Variants in NIPAL3 observed in about 807,000 individuals in gnomAD.
NIPAL3 encodes the protein NIPA-like protein 3.
NIPAL3 carries 41 observed loss-of-function variants against 47.2 expected under a neutral mutation model. The ratio of observed to expected loss-of-function variants is 0.87; its 90% confidence interval spans 0.68 to 1.13. NIPAL3 has a LOEUF of 1.13. NIPAL3 is among the 50% of genes most tolerant of loss of function. The probability of loss-of-function intolerance (pLI) is 0.00; values close to 1 mark genes in which losing one functional copy is unlikely to be tolerated. For synonymous variants in NIPAL3, 194 were observed against 209.6 expected (o/e 0.93, Z 0.64); for missense variants, 449 against 530.1 (o/e 0.85, Z 1.50).
At chr1:24,456,037 C>G (rs1646183162) in intron 7 of NIPAL3, 101 bp from the exon 8 acceptor site, 1 of 1,416,856 alleles carries the variant, frequency 7.1e-7, no homozygotes, top group Non-Finnish European at 9.8e-7. Context: ...GTTCCCTCCC[C>G]TCTGTCTCCC....
chr1:24,421,399 C>A (rs976275510), intron 2 of NIPAL3, among the ~76,000 whole-genome samples: 2 of 152,020 alleles, frequency 1.3e-5, no homozygotes, highest in Admixed American at 1.3e-4. Flanking sequence ...TACCGTAGAG[C>A]TAAAGGAGAC....
At chr1:24,428,792 G>A (rs1644748265) in intron 2 of NIPAL3, among the ~76,000 whole-genome samples, 1 of 152,116 alleles carries the variant, frequency 6.6e-6, no homozygotes, top group Non-Finnish European at 1.5e-5. Context: ...TAACCTTTTG[G>A]CCTCCAATGT....
In NIPAL3 at chr1:24,472,655, C is replaced by T. The variant is rs1472788488; in HGVS notation, c.*3470C>T. ...GGGTAAAGAAGGGAGAGCTGACTCT[C>T]CATTGCTTTTCTAGTGGAAACCAGC... On this transcript the variant is annotated 3_prime_UTR_variant, in exon 12 of 12. Coordinates refer to ENST00000374399, the MANE Select transcript of NIPAL3 (RefSeq NM_020448.5). 6.6e-6 allele frequency: 1 copy of T among 152,108 alleles called. No individual in the cohort carries two copies. The highest frequency in any genetic ancestry group is 1.5e-5 in the Non-Finnish European group (1 of 68,016). The allele number at this position is 152,108 out of a possible 1,614,324, so 9.4% of individuals were successfully genotyped here. A position where few individuals can be genotyped will look rare whatever the true frequency, so the allele number is the denominator to read the frequency against.
At chr1:24,440,326 C>G in intron 3 of NIPAL3, 86 bp downstream of exon 3, 1 of 1,044,652 alleles carries the variant, frequency 9.6e-7, no homozygotes, top group Non-Finnish European at 1.3e-6. Flanking sequence ...TGCCTCCTCT[C>G]TGCAGGGCCT....
intron 2 of NIPAL3, among the ~76,000 whole-genome samples, chr1:24,430,925 G>A (rs991265634): frequency 1.2e-4 from 18 of 152,174 alleles, no homozygotes; most frequent in Admixed American, 9.8e-4. Flanking sequence ...TGTACATATA[G>A]TTCAAGTATA....
At chr1:24,446,069 C>CTGTGTGTGTGTGTGTGT (rs58526442) in intron 5 of NIPAL3, among the ~76,000 whole-genome samples, 31 of 147,840 alleles carry the variant, frequency 2.1e-4, no homozygotes, top group Admixed American at 4.7e-4. Flanking sequence ...AGATTATAGT[C>CTGTGTGTGTGTGTGTGT]GTGTGTGTGT....
At position 24,430,495 on chromosome 1, in the gene NIPAL3, C is replaced by A. The variant is rs1004348451; in HGVS notation, c.94-9677C>A. ...GAACTCCTGACCTCAAGTGATCCAC[C>A]CGCCTTGGCCTCCCAAAGTGCTGAG... is the stretch of plus-strand genomic sequence containing the variant. On this transcript the variant is annotated intron_variant, in intron 2 of 11. Transcript: ENST00000374399. Among the ~76,000 whole-genome samples the A allele has an allele frequency of 3.9e-5, 6 of 152,274 alleles. No homozygotes were observed. The East Asian group carries it at 1.2e-3, about 29-fold the overall frequency.
At chr1:24,425,633 A>G (rs1307319086) in intron 2 of NIPAL3, among the ~76,000 whole-genome samples, 1 of 151,984 alleles carries the variant, frequency 6.6e-6, no homozygotes, top group Non-Finnish European at 1.5e-5. Flanking sequence ...TTTTTAGGAG[A>G]CAGAGTCTCC....
chr1:24,469,337 C>T lies in NIPAL3; in HGVS notation c.*152C>T, dbSNP rs568354212. 25 of 638,418 alleles carry T rather than the reference C, an allele frequency of 3.9e-5. No homozygotes were observed. The highest frequency in any genetic ancestry group is 1.6e-4 in the African/African-American group (9 of 54,750). The allele number at this position is 638,418 out of a possible 1,614,324, so 39.5% of individuals were successfully genotyped here. A position where few individuals can be genotyped will look rare whatever the true frequency, so the allele number is the denominator to read the frequency against. The stretch of plus-strand genomic sequence containing the variant: ...AAGCCTTTGTCTCTGGGAAAGGATG[C>T]GTTATCTTGGTCTTGGAAATTTCAA... On this transcript the variant is annotated 3_prime_UTR_variant, in exon 12 of 12. Transcript: ENST00000374399.
In NIPAL3 at chr1:24,438,210, C is replaced by T. The variant is rs191085163; in HGVS notation, c.94-1962C>T. Among the ~76,000 whole-genome samples the T allele has an allele frequency of 3.9e-5, 6 of 152,314 alleles. No individual in the cohort carries two copies. The East Asian group carries it at 7.7e-4, about 20-fold the overall frequency. On this transcript the variant is annotated intron_variant, in intron 2 of 11. Coordinates refer to ENST00000374399, the MANE Select transcript of NIPAL3 (RefSeq NM_020448.5). ...AGATCCTGTCATCCCACAGGAAGGA[C>T]GTGTTCTGCCTGCAGGTGGCTTTAT...
At chr1:24,437,022 C>T (rs981695703) in intron 2 of NIPAL3, among the ~76,000 whole-genome samples, 2 of 152,016 alleles carry the variant, frequency 1.3e-5, no homozygotes, top group East Asian at 1.9e-4. Flanking sequence ...GAGGCCGAAG[C>T]GGTCGGATCA....
intron 4 of NIPAL3, among the ~76,000 whole-genome samples, chr1:24,443,154 T>G (rs995146482): frequency 6.6e-6 from 1 of 152,138 alleles, no homozygotes. Context: ...ACTGAACCAG[T>G]GTTTCAGAAC....
At chr1:24,465,996 C>CT in intron 11 of NIPAL3, 1 of 1,608,644 alleles carries the variant, frequency 6.2e-7, no homozygotes, top group African/African-American at 1.3e-5. Flanking sequence ...TGCCTTTTGT[C>CT]TACCTAGATT....
chr1:24,465,954 C>A (rs752480926), intron 11 of NIPAL3: 1 of 1,566,034 alleles, frequency 6.4e-7, no homozygotes, highest in Non-Finnish European at 8.6e-7. Context: ...GCTTTTCCAG[C>A]CACTTGGTTT....
chr1:24,468,890 G>A (rs1646807613), intron 11 of NIPAL3, 96 bp from the exon 12 acceptor site: 2 of 1,107,672 alleles, frequency 1.8e-6, no homozygotes, highest in East Asian at 4.7e-5. Context: ...ATTAGCTGCT[G>A]AGCACTATAA....
intron 8 of NIPAL3, among the ~76,000 whole-genome samples, chr1:24,457,303 G>A (rs1294906738): frequency 6.6e-6 from 1 of 152,208 alleles, no homozygotes; most frequent in African/African-American, 2.4e-5. Flanking sequence ...GCAGCCTGAG[G>A]GCAGGGCCTG....
chr1:24,458,304 G>A (rs546551726), intron 8 of NIPAL3, among the ~76,000 whole-genome samples: 1 of 152,288 alleles, frequency 6.6e-6, no homozygotes, highest in African/African-American at 2.4e-5. Context: ...CAATTGAGTG[G>A]TGAGCATGGT....
chr1:24,427,979 C>T (rs145362193), intron 2 of NIPAL3, among the ~76,000 whole-genome samples: 1 of 152,182 alleles, frequency 6.6e-6, no homozygotes, highest in African/African-American at 2.4e-5. Context: ...ACTGAGGTGG[C>T]TCATGCTTGT....
At chr1:24,461,259 A>T (rs1486402697) in intron 10 of NIPAL3, among the ~76,000 whole-genome samples, 4 of 152,154 alleles carry the variant, frequency 2.6e-5, no homozygotes, top group African/African-American at 9.7e-5. Flanking sequence ...AAAAAATCAC[A>T]GGCTGGGAGA....
Sources: gnomAD v4.1 joint callset for allele counts (sites outside exome capture counted in the v4.1 genomes callset) on GRCh38, gnomAD v4.1.1 for gene constraint, MANE v1.5 for transcripts, NCBI Gene and HGNC (gene_info 2026-07-23, HGNC 2026-07-21) for gene names.